Variants in CSMD2 observed in about 807,000 individuals in gnomAD.
CSMD2 encodes the protein CUB and Sushi multiple domains 2, also known as CUB and sushi domain-containing protein 2.
CSMD2 carries 130 observed loss-of-function variants against 398.5 expected under a neutral mutation model. That is an observed-to-expected ratio of 0.33 (90% CI 0.28 to 0.38). CSMD2 has a LOEUF of 0.38. CSMD2 is among the 10% of genes least tolerant of loss of function. The pLI is 1.00. For synonymous variants in CSMD2, 1,828 were observed against 1,908.5 expected, an observed-to-expected ratio of 0.96 and a Z score of 1.10; for missense variants, 3,829 against 4,764.9, an observed-to-expected ratio of 0.80 and a Z score of 5.78.
At chr1:33,526,171 A>G (rs1427026509) in intron 65 of CSMD2, among the ~76,000 whole-genome samples, 3 of 152,224 alleles carry the variant, frequency 2.0e-5, no homozygotes, top group African/African-American at 7.2e-5. Flanking sequence ...TAGAGAGGGA[A>G]CTAGAAAGGA....
intron 1 of CSMD2, among the ~76,000 whole-genome samples, chr1:34,103,450 C>T (rs1401366206): frequency 5.9e-5 from 9 of 152,114 alleles, no homozygotes; most frequent in African/African-American, 9.6e-5. Context: ...CGGCACCCGC[C>T]ACCACGCCCA....
At chr1:33,925,480 T>G (rs543690551) in intron 4 of CSMD2, among the ~76,000 whole-genome samples, 1 of 152,266 alleles carries the variant, frequency 6.6e-6, no homozygotes, top group African/African-American at 2.4e-5. Flanking sequence ...GGTAGAATGA[T>G]GCTTCCAGCT....
intron 25 of CSMD2, among the ~76,000 whole-genome samples, chr1:33,676,053 C>G (rs1185113639): frequency 6.6e-6 from 1 of 152,168 alleles, no homozygotes; most frequent in Non-Finnish European, 1.5e-5. Flanking sequence ...TGGCACAAGA[C>G]AGGGATGCCC....
intron 2 of CSMD2, among the ~76,000 whole-genome samples, chr1:34,086,661 A>G (rs1299185126): frequency 6.6e-6 from 1 of 151,992 alleles, no homozygotes; most frequent in African/African-American, 2.4e-5. Context: ...ACTTCTCATC[A>G]TGTCCCCACT....
chr1:34,048,736 C>T (rs150815355), intron 2 of CSMD2, among the ~76,000 whole-genome samples: 76 of 152,290 alleles, frequency 5.0e-4, no homozygotes, highest in African/African-American at 1.6e-3. Context: ...TTAAAGACAG[C>T]GCTTTGCAGT....
At chr1:34,092,197 G>A (rs1354372099) in intron 1 of CSMD2, among the ~76,000 whole-genome samples, 1 of 152,038 alleles carries the variant, frequency 6.6e-6, no homozygotes, top group Non-Finnish European at 1.5e-5. Flanking sequence ...TTTTACAGAG[G>A]GATAAAAAAT....
intron 1 of CSMD2, among the ~76,000 whole-genome samples, chr1:34,095,599 A>C (rs1659191802): frequency 6.6e-6 from 1 of 152,126 alleles, no homozygotes; most frequent in African/African-American, 2.4e-5. Context: ...TCCCACAGAA[A>C]TGCAAACTAC....
At chr1:33,564,367 A>G (rs1658855972) in intron 53 of CSMD2, among the ~76,000 whole-genome samples, 1 of 152,158 alleles carries the variant, frequency 6.6e-6, no homozygotes, top group Non-Finnish European at 1.5e-5. Flanking sequence ...GCCTTTGAAT[A>G]TGGTCCAGTC....
At chr1:33,637,848 G>C (rs973998811) in intron 29 of CSMD2, among the ~76,000 whole-genome samples, 2 of 152,134 alleles carry the variant, frequency 1.3e-5, no homozygotes, top group African/African-American at 4.8e-5. Context: ...GAATAGAAGG[G>C]ATCAGTGTTC....
chr1:33,922,531 C>G (rs2125296054), intron 4 of CSMD2, among the ~76,000 whole-genome samples: 1 of 152,304 alleles, frequency 6.6e-6, no homozygotes, highest in Non-Finnish European at 1.5e-5. Context: ...GACTCCAGAG[C>G]CTTCTGCCTA....
chr1:33,718,081 C>T lies in CSMD2; in HGVS notation c.3002-1580G>A, dbSNP rs561154434. Among the ~76,000 whole-genome samples the T allele has an allele frequency of 1.1e-4, 17 of 152,230 alleles. No individual in the cohort carries two copies. In the East Asian group the frequency reaches 2.3e-3, roughly 21 times the overall value. On this transcript the variant is annotated intron_variant, in intron 19 of 70. Transcript: ENST00000373381. ...CATCTCCAGTTTACATCCAAGGAAACGGAGGCACAAAGAGATGAAGTCATC... is the reference window on the plus strand; with the variant it reads ...CATCTCCAGTTTACATCCAAGGAAATGGAGGCACAAAGAGATGAAGTCATC...
chr1:34,154,920 G>A (rs563572632), intron 1 of CSMD2, among the ~76,000 whole-genome samples: 1 of 152,214 alleles, frequency 6.6e-6, no homozygotes, highest in East Asian at 1.9e-4. Context: ...TAGAGACGGG[G>A]TTTTGCCATT....
chr1:34,131,333 G>A (rs1284345642), intron 1 of CSMD2, among the ~76,000 whole-genome samples: 1 of 151,822 alleles, frequency 6.6e-6, no homozygotes, highest in Non-Finnish European at 1.5e-5. Context: ...CTGCTCTATT[G>A]GGAGGTGCAG....
chr1:33,666,377 C>T (rs1644316973), intron 25 of CSMD2, among the ~76,000 whole-genome samples: 4 of 152,084 alleles, frequency 2.6e-5, no homozygotes, highest in Admixed American at 2.6e-4. Context: ...AGTTTATGTA[C>T]TTTGCAAAGT....
At chr1:33,679,146 A>T (rs1433271990) in intron 25 of CSMD2, among the ~76,000 whole-genome samples, 1 of 151,480 alleles carries the variant, frequency 6.6e-6, no homozygotes, top group Non-Finnish European at 1.5e-5. Flanking sequence ...AAATGTTTCC[A>T]TAAAGTCAAA....
At chr1:33,531,617 G>A (rs928586066) in intron 64 of CSMD2, among the ~76,000 whole-genome samples, 1 of 152,230 alleles carries the variant, frequency 6.6e-6, no homozygotes, top group Non-Finnish European at 1.5e-5. Context: ...TCCATATGAT[G>A]AGATATGATT....
At chr1:34,028,886 G>A (rs1411341112) in intron 3 of CSMD2, among the ~76,000 whole-genome samples, 1 of 152,178 alleles carries the variant, frequency 6.6e-6, no homozygotes, top group Non-Finnish European at 1.5e-5. Flanking sequence ...CGGCCTTTTT[G>A]ATCTTTTCCT....
chr1:33,765,365 TA>T (rs1312771707), intron 13 of CSMD2, among the ~76,000 whole-genome samples: 1 of 152,070 alleles, frequency 6.6e-6, no homozygotes, highest in African/African-American at 2.4e-5. Context: ...ATACCAGTGC[TA>T]AGATAGAAAT....
intron 5 of CSMD2, among the ~76,000 whole-genome samples, chr1:33,907,874 G>A (rs1268994024): frequency 6.6e-6 from 1 of 151,946 alleles, no homozygotes; most frequent in Non-Finnish European, 1.5e-5. Context: ...CTCACCTGAG[G>A]TCAGGAGTTT....
Sources: gnomAD v4.1 joint callset for allele counts (sites outside exome capture counted in the v4.1 genomes callset) on GRCh38, gnomAD v4.1.1 for gene constraint, MANE v1.5 for transcripts, NCBI Gene and HGNC (gene_info 2026-07-23, HGNC 2026-07-21) for gene names.